The following KCNIP1 variants were observed in gnomAD, a reference collection of about 807,000 sequenced individuals.
KCNIP1 encodes the protein potassium voltage-gated channel interacting protein 1.
In KCNIP1, 18 loss-of-function variants were observed where a neutral mutation model predicts 33.0. The ratio of observed to expected loss-of-function variants is 0.55; its 90% CI spans 0.38 to 0.81. KCNIP1 has a LOEUF of 0.81. Ranked by LOEUF, KCNIP1 falls within the 30% of genes least tolerant of loss-of-function variation. The pLI, the probability that KCNIP1 is intolerant of heterozygous loss-of-function variation, is 0.00. For missense variants in KCNIP1, 238 were observed against 271.6 expected (o/e 0.88, Z 0.87); for synonymous variants, 93 against 98.3 (o/e 0.95, Z 0.32).
upstream of KCNIP1, among the ~76,000 whole-genome samples, chr5:170,503,253 G>C (rs1371492298): frequency 4.6e-5 from 7 of 151,984 alleles, no homozygotes; most frequent in Non-Finnish European, 8.8e-5. Context: ...ATTTAGCTGG[G>C]CCTAGTGGTG....
rs145281086 is a variant in KCNIP1, at chr5:170,467,403, A to G, written c.88+113439A>G. Among the ~76,000 whole-genome samples the G allele has an allele frequency of 6.6e-5, 10 of 152,312 alleles. No individual in the cohort carries two copies. The East Asian group carries it at 1.4e-3, about 21-fold the overall frequency. ...CCACCATTACTTTTGCACCAACCCA[A>G]TAAGAAAGTTGGAGGATCTTCACAA... On this transcript the variant is annotated intron_variant, in intron 1 of 7. Transcript: ENST00000377360.
chr5:170,623,178 C>T (rs1178045111), intron 1 of KCNIP1, among the ~76,000 whole-genome samples: 2 of 151,990 alleles, frequency 1.3e-5, no homozygotes, highest in East Asian at 3.9e-4. Context: ...GCCACAGACC[C>T]ATCCGTGGCC....
chr5:170,551,727 A>G (rs1232538840), intron 1 of KCNIP1, among the ~76,000 whole-genome samples: 2 of 151,022 alleles, frequency 1.3e-5, no homozygotes, highest in Admixed American at 6.6e-5. Context: ...ATATGAGTGC[A>G]TGTGTTTGAG....
chr5:170,521,580 G>A (rs923308034), intron 1 of KCNIP1, among the ~76,000 whole-genome samples: 5 of 152,200 alleles, frequency 3.3e-5, no homozygotes, highest in Admixed American at 1.3e-4. Context: ...ATCAGCTTAC[G>A]TCTGGGAAGG....
chr5:170,696,150 T>C (rs982434125), intron 1 of KCNIP1, among the ~76,000 whole-genome samples: 1 of 152,176 alleles, frequency 6.6e-6, no homozygotes, highest in African/African-American at 2.4e-5. Flanking sequence ...CTCTCCTTCC[T>C]TCCTAACTTA....
At chr5:170,634,978 G>A (rs993170408) in intron 1 of KCNIP1, among the ~76,000 whole-genome samples, 21 of 152,066 alleles carry the variant, frequency 1.4e-4, no homozygotes, top group Non-Finnish European at 2.9e-4. Context: ...TCACCTCTCT[G>A]GGCTTCTCTT....
At chr5:170,508,035 A>G (rs1359496339) in intron 1 of KCNIP1, among the ~76,000 whole-genome samples, 1 of 152,200 alleles carries the variant, frequency 6.6e-6, no homozygotes, top group Admixed American at 6.5e-5. Flanking sequence ...ATTGAGGAGA[A>G]CCAGAGGAGG....
intron 1 of KCNIP1, among the ~76,000 whole-genome samples, chr5:170,559,184 T>G (rs1032117566): frequency 1.3e-5 from 2 of 152,190 alleles, no homozygotes; most frequent in Admixed American, 6.5e-5. Context: ...TCTTACCACC[T>G]AAACTCCTCT....
chr5:170,401,870 A>C (rs569272570), intron 1 of KCNIP1, among the ~76,000 whole-genome samples: 2 of 152,170 alleles, frequency 1.3e-5, no homozygotes, highest in Admixed American at 1.3e-4. Context: ...GCTGTGACAC[A>C]AATCACTACA....
chr5:170,682,887 C>G (rs950440434), intron 1 of KCNIP1, among the ~76,000 whole-genome samples: 1 of 147,418 alleles, frequency 6.8e-6, no homozygotes, highest in Non-Finnish European at 1.5e-5. Context: ...CCTTGGCCTC[C>G]CAAAGTGCTG....
At chr5:170,442,678 G>C (rs1756021302) in intron 1 of KCNIP1, among the ~76,000 whole-genome samples, 1 of 151,982 alleles carries the variant, frequency 6.6e-6, no homozygotes, top group Admixed American at 6.5e-5. Context: ...CTTGAGTCAT[G>C]AGATGTCCTC....
chr5:170,405,781 C>T (rs995542325), intron 1 of KCNIP1, among the ~76,000 whole-genome samples: 1 of 152,200 alleles, frequency 6.6e-6, no homozygotes, highest in East Asian at 1.9e-4. Flanking sequence ...GTAACACCTG[C>T]ACCCTGAGCT....
At chr5:170,542,759 AT>A (rs58913975) in intron 1 of KCNIP1, among the ~76,000 whole-genome samples, 20,812 of 152,158 alleles carry the variant, frequency 0.14, 1,509 homozygotes, top group Middle Eastern at 0.21. Context: ...AATTACCACA[AT>A]ATAGTATAAT....
intron 1 of KCNIP1, among the ~76,000 whole-genome samples, chr5:170,602,521 G>T (rs1308876302): frequency 6.6e-6 from 1 of 152,240 alleles, no homozygotes; most frequent in Non-Finnish European, 1.5e-5. Context: ...CTGCCGTGCA[G>T]TTTGTGACTT....
intron 1 of KCNIP1, among the ~76,000 whole-genome samples, chr5:170,626,427 C>T (rs1444044883): frequency 6.6e-6 from 1 of 152,200 alleles, no homozygotes; most frequent in African/African-American, 2.4e-5. Context: ...GTCTGCCCCC[C>T]TCCCATGGCA....
chr5:170,718,647 C>T, intron 1 of KCNIP1, 111 bp from the exon 2 acceptor site: 1 of 1,306,056 alleles, frequency 7.7e-7, no homozygotes, highest in Non-Finnish European at 1.1e-6. Context: ...GACCCCAGCC[C>T]ACAGTCCTAG....
intron 1 of KCNIP1, among the ~76,000 whole-genome samples, chr5:170,405,486 G>C (rs1222447515): frequency 6.6e-6 from 1 of 152,182 alleles, no homozygotes; most frequent in Non-Finnish European, 1.5e-5. Context: ...TTATCAGCCT[G>C]AGCCGTTGTG....
intron 1 of KCNIP1, among the ~76,000 whole-genome samples, chr5:170,552,696 T>C (rs1238456352): frequency 6.6e-6 from 1 of 152,120 alleles, no homozygotes; most frequent in African/African-American, 2.4e-5. Flanking sequence ...CACAGGGCCT[T>C]TGGGGCCAGC....
In KCNIP1 at chr5:170,457,325, C is replaced by G. The variant is rs189900081; in HGVS notation, c.88+103361C>G. Among the ~76,000 whole-genome samples the G allele has an allele frequency of 6.8e-3, 1,041 of 152,352 alleles. 9 individuals are homozygous for G. Among genetic ancestry groups the G allele is most frequent in the Non-Finnish European group, 7.6e-3 (514 of 68,038 alleles). ...AGCAAAACTGCAGGGGCCACCACCA[C>G]CACCACCACATGTCAGGAAGAGTAC... On this transcript the variant is annotated intron_variant, in intron 1 of 7. Coordinates refer to the KCNIP1 transcript ENST00000377360.
Sources: gnomAD v4.1 joint callset for allele counts (sites outside exome capture counted in the v4.1 genomes callset) on GRCh38, gnomAD v4.1.1 for gene constraint, MANE v1.5 for transcripts, NCBI Gene and HGNC (gene_info 2026-07-23, HGNC 2026-07-21) for gene names.